LRBA: variants seen among roughly 807,000 people sequenced by gnomAD.
The protein encoded by LRBA is lipopolysaccharide-responsive and beige-like anchor protein.
In LRBA, 176 loss-of-function variants were observed where a neutral mutation model predicts 330.0. The observed-to-expected ratio is 0.53, with a 90% CI of 0.47 to 0.60. The LOEUF (loss-of-function observed/expected upper bound fraction) is 0.60, where lower values mean the gene tolerates loss of function less well. Ranked by LOEUF, LRBA falls within the 20% of genes least tolerant of loss-of-function variation. LRBA has a pLI of 0.00. For missense variants in LRBA, 3,259 were observed against 3,444.8 expected (o/e 0.95, Z 1.35); for synonymous variants, 1,230 against 1,193.0 (o/e 1.03, Z -0.64).
chr4:150,362,537 A>C (rs1387842725), intron 47 of LRBA, among the ~76,000 whole-genome samples: 1 of 152,204 alleles, frequency 6.6e-6, no homozygotes, highest in Non-Finnish European at 1.5e-5. Flanking sequence ...AATTAGCTGG[A>C]GAACTTGTTA....
At chr4:150,910,907 G>A (rs113289824) in intron 9 of LRBA, among the ~76,000 whole-genome samples, 1 of 152,044 alleles carries the variant, frequency 6.6e-6, no homozygotes, top group Non-Finnish European at 1.5e-5. Context: ...TTGCCACCTT[G>A]GTTGAGTTTA....
chr4:150,875,483 T>A (rs1579067367), intron 17 of LRBA, among the ~76,000 whole-genome samples: 1 of 152,014 alleles, frequency 6.6e-6, no homozygotes, highest in East Asian at 1.9e-4. Flanking sequence ...ACAGAGAACT[T>A]CTCCCACTAA....
intron 40 of LRBA, among the ~76,000 whole-genome samples, chr4:150,511,049 G>C (rs1324666672): frequency 6.6e-6 from 1 of 151,942 alleles, no homozygotes; most frequent in Non-Finnish European, 1.5e-5. Context: ...GTAGAGACAG[G>C]GTTTCACCAT....
intron 22 of LRBA, among the ~76,000 whole-genome samples, chr4:150,862,268 T>C (rs2126962504): frequency 6.6e-6 from 1 of 152,280 alleles, no homozygotes; most frequent in South Asian, 2.1e-4. Flanking sequence ...AGCAAACACT[T>C]GCAGCCAACC....
chr4:150,662,647 CAAA>C, intron 37 of LRBA, among the ~76,000 whole-genome samples: 1 of 152,230 alleles, frequency 6.6e-6, no homozygotes, highest in Middle Eastern at 3.4e-3. Context: ...TATTGGATAA[CAAA>C]GATGAGTATA....
chr4:150,347,298 G>T lies in LRBA; in HGVS notation c.7362+2694C>A, dbSNP rs78213008. On this transcript the variant is annotated intron_variant, in intron 48 of 56. Transcript: ENST00000651943. ...AACATTTCTAGAGATGGATGGTGGT[G>T]ATGGCTGTACAAGAATGTCAATGTT... Among the ~76,000 whole-genome samples the T allele has an allele frequency of 6.6e-3, 1,004 of 152,248 alleles. 10 individuals carry two copies. The highest frequency in any genetic ancestry group is 0.023 in the African/African-American group (961 of 41,546).
At chr4:150,346,186 G>A (rs760212625) in intron 48 of LRBA, among the ~76,000 whole-genome samples, 7 of 151,916 alleles carry the variant, frequency 4.6e-5, no homozygotes, top group South Asian at 2.1e-4. Flanking sequence ...GTAACAAAGC[G>A]ATATATTCTC....
intron 40 of LRBA, among the ~76,000 whole-genome samples, chr4:150,549,642 T>G (rs1201732407): frequency 3.3e-5 from 5 of 152,204 alleles, no homozygotes; most frequent in Non-Finnish European, 7.3e-5. Context: ...CATTTGTCAC[T>G]TTTACCTATT....
intron 37 of LRBA, among the ~76,000 whole-genome samples, chr4:150,656,428 CTTTTT>C (rs1780195887): frequency 6.6e-6 from 1 of 151,968 alleles, no homozygotes; most frequent in African/African-American, 2.4e-5. Flanking sequence ...TCTTTCTTTT[CTTTTT>C]CTAAATCCAG....
At chr4:150,492,759 C>T (rs1159257412) in intron 40 of LRBA, among the ~76,000 whole-genome samples, 1 of 152,126 alleles carries the variant, frequency 6.6e-6, no homozygotes, top group East Asian at 1.9e-4. Flanking sequence ...GAGTTCAACT[C>T]ATTCTTCCTC....
At chr4:150,864,994 C>T (rs1172555611) in intron 22 of LRBA, among the ~76,000 whole-genome samples, 1 of 152,090 alleles carries the variant, frequency 6.6e-6, no homozygotes, top group Non-Finnish European at 1.5e-5. Context: ...GTTTATACTC[C>T]TCCAGCCATC....
intron 22 of LRBA, among the ~76,000 whole-genome samples, chr4:150,863,197 T>C (rs976482399): frequency 1.3e-5 from 2 of 151,944 alleles, no homozygotes; most frequent in Admixed American, 6.6e-5. Context: ...ACTCAGGAGG[T>C]TGAGGTGAGA....
chr4:150,344,541 C>T (rs918958817), intron 48 of LRBA, among the ~76,000 whole-genome samples: 2 of 152,118 alleles, frequency 1.3e-5, no homozygotes, highest in African/African-American at 2.4e-5. Context: ...TCAGTGGTTC[C>T]CTACTGCCTT....
chr4:150,980,625 CAG>C (rs1740725204), intron 2 of LRBA, among the ~76,000 whole-genome samples: 1 of 151,722 alleles, frequency 6.6e-6, no homozygotes, highest in Admixed American at 6.6e-5. Context: ...ACTTGGGTGA[CAG>C]AGTGAAATTC....
chr4:150,461,774 G>GT (rs920323721), intron 44 of LRBA, among the ~76,000 whole-genome samples: 4 of 151,608 alleles, frequency 2.6e-5, no homozygotes, highest in African/African-American at 4.8e-5. Flanking sequence ...GAACATGCTG[G>GT]TTTTTTTAAA....
At chr4:150,557,381 T>A (rs1302264547) in intron 40 of LRBA, among the ~76,000 whole-genome samples, 1 of 152,092 alleles carries the variant, frequency 6.6e-6, no homozygotes, top group Non-Finnish European at 1.5e-5. Context: ...GAAGACGCGA[T>A]ATGGGAAAAT....
intron 36 of LRBA, among the ~76,000 whole-genome samples, chr4:150,701,761 T>G (rs1425224190): frequency 6.6e-6 from 1 of 152,184 alleles, no homozygotes; most frequent in Non-Finnish European, 1.5e-5. Flanking sequence ...GAATTGACAT[T>G]CTAATACTTT....
At position 150,867,844 on chromosome 4, in the gene LRBA, C is replaced by T; in HGVS notation, c.2593G>A (p.Val865Met). The change falls in exon 22 of 57, where the codon GTG (valine) becomes ATG (methionine). Residue 865 changes from valine to methionine, a missense_variant. Coordinates refer to ENST00000651943, the MANE Select transcript of LRBA (RefSeq NM_001364905.1). ...AGAGAAAGCATCCATTCTTGCCACACAGAGCATTGTAGCAAGCTCCTGAAA... is the reference window on the plus strand; with the variant it reads ...AGAGAAAGCATCCATTCTTGCCACATAGAGCATTGTAGCAAGCTCCTGAAA... ...ENRRSLLQCSVWQEWMLSLCY... is the reference protein window; with the variant it reads ...ENRRSLLQCSMWQEWMLSLCY... 6.2e-7 allele frequency: 1 copy of T among 1,611,862 alleles called. No individual in the cohort carries two copies. The highest frequency in any genetic ancestry group is 8.5e-7 in the Non-Finnish European group (1 of 1,178,938).
chr4:150,381,018 G>A (rs928165354), intron 47 of LRBA, among the ~76,000 whole-genome samples: 2 of 130,520 alleles, frequency 1.5e-5, no homozygotes, highest in Non-Finnish European at 3.3e-5. Flanking sequence ...AGTATATTTT[G>A]TTTTTAACTT....
Sources: gnomAD v4.1 joint callset for allele counts (sites outside exome capture counted in the v4.1 genomes callset) on GRCh38, gnomAD v4.1.1 for gene constraint, MANE v1.5 for transcripts, NCBI Gene and HGNC (gene_info 2026-07-23, HGNC 2026-07-21) for gene names.